The following NCKAP5 variants were observed in gnomAD, a reference collection of about 807,000 sequenced individuals.
NCKAP5 encodes the protein nck-associated protein 5.
Under a neutral mutation model 167.0 loss-of-function variants are expected in NCKAP5, and 92 were observed. The ratio of observed to expected loss-of-function variants is 0.55; its 90% confidence interval spans 0.47 to 0.66. NCKAP5 has a LOEUF of 0.66. Among genes scored for constraint, NCKAP5 ranks in the 30% least tolerant of loss-of-function variants. The probability of loss-of-function intolerance (pLI) is 0.00; values close to 1 mark genes in which losing one functional copy is unlikely to be tolerated. For missense variants in NCKAP5, 2,378 were observed against 2,315.0 expected (o/e 1.03, Z -0.56); for synonymous variants, 891 against 877.4 (o/e 1.02, Z -0.27).
At chr2:133,335,133 C>G (rs548147873) in intron 3 of NCKAP5, among the ~76,000 whole-genome samples, 2 of 152,060 alleles carry the variant, frequency 1.3e-5, no homozygotes, top group South Asian at 2.1e-4. Context: ...AATCTAGACA[C>G]GGAGCAGTAA....
upstream of NCKAP5, among the ~76,000 whole-genome samples, chr2:133,570,276 CT>C: frequency 6.6e-6 from 1 of 152,118 alleles, no homozygotes; most frequent in East Asian, 1.9e-4. Flanking sequence ...TGTGGTTTGA[CT>C]TTTTTTCAAT....
chr2:133,229,218 A>G (rs1211987742), intron 4 of NCKAP5, among the ~76,000 whole-genome samples: 1 of 152,242 alleles, frequency 6.6e-6, no homozygotes, highest in Non-Finnish European at 1.5e-5. Context: ...AATTCTGTCA[A>G]AACAGGCTAC....
At chr2:132,805,162 T>C (rs900326016) in intron 11 of NCKAP5, among the ~76,000 whole-genome samples, 1 of 152,094 alleles carries the variant, frequency 6.6e-6, no homozygotes, top group African/African-American at 2.4e-5. Flanking sequence ...TTTTTAGCAC[T>C]AAGTGTGTGT....
intron 8 of NCKAP5, among the ~76,000 whole-genome samples, chr2:132,959,018 T>A (rs1248526786): frequency 1.4e-5 from 2 of 147,882 alleles, no homozygotes; most frequent in African/African-American, 4.9e-5. Flanking sequence ...ATAGAAGATA[T>A]TTAATATATT....
At chr2:133,624,973 G>C in the NCKAP5 span, among the ~76,000 whole-genome samples, 1 of 152,110 alleles carries the variant, frequency 6.6e-6, no homozygotes, top group Non-Finnish European at 1.5e-5. Context: ...TATCTGGGCG[G>C]GTAGCATAAT....
rs760255329 is a variant in NCKAP5, at chr2:132,963,829, A to G, written c.470T>C (p.Leu157Ser). 6.2e-6 allele frequency: 10 copies of G among 1,613,882 alleles called. No individual in the cohort carries two copies. The highest frequency in any genetic ancestry group is 8.5e-6 in the Non-Finnish European group (10 of 1,179,848). The stretch of plus-strand genomic sequence containing the variant: ...ATCAACCACCATGTGAAGATCTTCC[A>G]AAGCTTCCTTATGTTTTCTCTCTTC... ...SEEERKHKEA[L>S]EDLHMVVDED... The change falls in exon 8 of 20, where the codon TTG (leucine) becomes TCG (serine). Residue 157 changes from leucine (L) to serine (S), a missense_variant. Physicochemically the swap from Leu to Ser is moderately radical, Grantham distance 145. Transcript: ENST00000409261.
chr2:132,957,776 A>T (rs774602687), intron 8 of NCKAP5, among the ~76,000 whole-genome samples: 3 of 152,238 alleles, frequency 2.0e-5, no homozygotes, highest in African/African-American at 4.8e-5. Flanking sequence ...GCTATAGGTC[A>T]TAAGACCCCT....
intron 5 of NCKAP5, among the ~76,000 whole-genome samples, chr2:133,208,013 A>AC (rs1335438761): frequency 6.6e-6 from 1 of 152,060 alleles, no homozygotes; most frequent in Non-Finnish European, 1.5e-5. Flanking sequence ...GACAGACACT[A>AC]CTTCCGCCAA....
In NCKAP5 at chr2:133,464,257, C is replaced by T. The variant is rs573023018; in HGVS notation, c.69+53201G>A. ...GAGTCCTTCTTTATTAAATCAAGAA[C>T]TTTTACCTTTTCACTTAAAGGAAGT... On this transcript the variant is annotated intron_variant, in intron 3 of 19. Transcript: ENST00000409261. Among the ~76,000 whole-genome samples the T allele has an allele frequency of 2.0e-5, 3 of 152,298 alleles. 1 individual carries two copies. The South Asian group carries it at 6.2e-4, about 32-fold the overall frequency.
chr2:133,048,281 C>T (rs2079480078), intron 6 of NCKAP5, among the ~76,000 whole-genome samples: 1 of 152,252 alleles, frequency 6.6e-6, no homozygotes, highest in South Asian at 2.1e-4. Context: ...AATTGGTTTT[C>T]TTAGTAAGAT....
chr2:133,555,576 A>G (rs1687685505), intron 2 of NCKAP5, among the ~76,000 whole-genome samples: 1 of 152,208 alleles, frequency 6.6e-6, no homozygotes, highest in Admixed American at 6.5e-5. Context: ...AGTTCTTCCT[A>G]ATATTAGACC....
In NCKAP5 at chr2:132,735,052, T is replaced by A. The variant is rs556309676; in HGVS notation, c.5129-3001A>T. 3.3e-5 allele frequency among the ~76,000 whole-genome samples: 5 copies of A among 152,392 alleles called. No homozygotes were observed. In the East Asian group the frequency reaches 7.7e-4, roughly 23 times the overall value. On this transcript the variant is annotated intron_variant, in intron 16 of 19. Coordinates refer to ENST00000409261, the MANE Select transcript of NCKAP5 (RefSeq NM_207363.3). The stretch of plus-strand genomic sequence containing the variant: ...GTCCACTGTCAACATGCCTGGCATC[T>A]AGCTGGTTGTCTGGTCCTTTGCAGG...
At chr2:133,658,522 C>G in the NCKAP5 span, among the ~76,000 whole-genome samples, 2 of 152,134 alleles carry the variant, frequency 1.3e-5, no homozygotes, top group Admixed American at 1.3e-4. Flanking sequence ...TGGGAGTGGG[C>G]ATTTCCAGCA....
chr2:132,740,226 CAGAA>C (rs1299664396), intron 16 of NCKAP5, among the ~76,000 whole-genome samples: 1 of 152,152 alleles, frequency 6.6e-6, no homozygotes, highest in African/African-American at 2.4e-5. Flanking sequence ...ATAATTCAGT[CAGAA>C]AGAGTGACTC....
intron 3 of NCKAP5, among the ~76,000 whole-genome samples, chr2:133,367,337 T>A (rs983012864): frequency 2.0e-5 from 3 of 152,174 alleles, no homozygotes; most frequent in African/African-American, 7.2e-5. Flanking sequence ...AGACGGGAGC[T>A]CTGGGCTTCC....
At chr2:132,681,929 A>G (rs1417818013) in intron 19 of NCKAP5, among the ~76,000 whole-genome samples, 1 of 152,190 alleles carries the variant, frequency 6.6e-6, no homozygotes, top group African/African-American at 2.4e-5. Context: ...ATCCAGGAAC[A>G]TGCTGATATT....
At chr2:132,750,070 T>TACGTATG (rs1156875937) in intron 16 of NCKAP5, among the ~76,000 whole-genome samples, 1 of 152,188 alleles carries the variant, frequency 6.6e-6, no homozygotes, top group East Asian at 1.9e-4. Context: ...AACTGAAACT[T>TACGTATG]ACGTATGGTT....
intron 16 of NCKAP5, among the ~76,000 whole-genome samples, chr2:132,750,835 A>T (rs1430078152): frequency 6.6e-6 from 1 of 152,234 alleles, no homozygotes; most frequent in Non-Finnish European, 1.5e-5. Context: ...GTCACAGGAC[A>T]CTTAGGGAGC....
intron 3 of NCKAP5, among the ~76,000 whole-genome samples, chr2:133,477,950 G>C (rs1408562063): frequency 1.3e-5 from 2 of 152,178 alleles, no homozygotes; most frequent in African/African-American, 4.8e-5. Context: ...TCAGACCATG[G>C]TTGATAGTAA....
Sources: gnomAD v4.1 joint callset for allele counts (sites outside exome capture counted in the v4.1 genomes callset) on GRCh38, gnomAD v4.1.1 for gene constraint, MANE v1.5 for transcripts, NCBI Gene and HGNC (gene_info 2026-07-23, HGNC 2026-07-21) for gene names.